Variants in PTPRG observed in about 807,000 individuals in gnomAD.
PTPRG encodes protein tyrosine phosphatase receptor type G, also known as receptor-type tyrosine-protein phosphatase gamma.
Under a neutral mutation model 165.3 loss-of-function variants are expected in PTPRG, and 102 were observed. The ratio of observed to expected loss-of-function variants is 0.62; its 90% CI spans 0.53 to 0.73. The LOEUF (loss-of-function observed/expected upper bound fraction) is 0.73. Ranked by LOEUF, PTPRG falls within the 30% of genes least tolerant of loss-of-function variation. The pLI is 0.00. For missense variants in PTPRG, 1,866 were observed against 1,861.4 expected (o/e 1.00, Z -0.05); for synonymous variants, 675 against 669.5 (o/e 1.01, Z -0.13).
At chr3:61,953,352 A>T (rs2039943513) in intron 2 of PTPRG, among the ~76,000 whole-genome samples, 1 of 152,192 alleles carries the variant, frequency 6.6e-6, no homozygotes, top group Non-Finnish European at 1.5e-5. Context: ...ACAGGCACGC[A>T]GGCAAAAGGA....
chr3:61,660,155 G>A (rs541731247), intron 1 of PTPRG, among the ~76,000 whole-genome samples: 6 of 152,310 alleles, frequency 3.9e-5, no homozygotes, highest in South Asian at 4.1e-4. Context: ...AACCTGGGAG[G>A]TAGAGGTTGT....
At chr3:61,959,477 G>C (rs1489583202) in intron 2 of PTPRG, among the ~76,000 whole-genome samples, 1 of 152,186 alleles carries the variant, frequency 6.6e-6, no homozygotes, top group Non-Finnish European at 1.5e-5. Context: ...GTTCACAATA[G>C]GGTTCGCTCT....
At chr3:61,583,482 C>T (rs538481991) in intron 1 of PTPRG, among the ~76,000 whole-genome samples, 5 of 152,234 alleles carry the variant, frequency 3.3e-5, no homozygotes, top group Middle Eastern at 3.4e-3. Context: ...AGCACTGGTC[C>T]CTAGCAAACA....
chr3:62,012,071 T>G (rs965883671), intron 4 of PTPRG, among the ~76,000 whole-genome samples: 1 of 152,214 alleles, frequency 6.6e-6, no homozygotes, highest in Non-Finnish European at 1.5e-5. Flanking sequence ...AAGTCACTGA[T>G]ACTGGTGTTG....
chr3:62,017,271 C>A (rs1000859126), intron 4 of PTPRG, among the ~76,000 whole-genome samples: 1 of 152,022 alleles, frequency 6.6e-6, no homozygotes, highest in South Asian at 2.1e-4. Flanking sequence ...ATAAAAAGAA[C>A]GTTTAAGAAA....
chr3:61,819,733 C>A (rs1187212518), intron 2 of PTPRG, among the ~76,000 whole-genome samples: 1 of 152,106 alleles, frequency 6.6e-6, no homozygotes, highest in Non-Finnish European at 1.5e-5. Context: ...AAATCCATAA[C>A]ATGGGAATCT....
chr3:62,220,155 C>T lies in PTPRG; in HGVS notation c.2288+1172C>T, dbSNP rs73840285. On this transcript the variant is annotated intron_variant, in intron 13 of 29. Coordinates refer to ENST00000474889, the MANE Select transcript of PTPRG (RefSeq NM_002841.4). Reference sequence around the variant, plus strand: ...CAGCCAGAGGTCAGTGGGGCTGAGACGTGAAGACAGGGGTAAGGTGGCAGA... The same window carrying T: ...CAGCCAGAGGTCAGTGGGGCTGAGATGTGAAGACAGGGGTAAGGTGGCAGA... 3.4e-3 allele frequency among the ~76,000 whole-genome samples: 513 copies of T among 152,278 alleles called. 3 individuals carry two copies. The highest frequency in any genetic ancestry group is 0.012 in the African/African-American group (480 of 41,558).
intron 1 of PTPRG, among the ~76,000 whole-genome samples, chr3:61,719,444 C>T (rs2031955754): frequency 6.6e-6 from 1 of 152,144 alleles, no homozygotes; most frequent in African/African-American, 2.4e-5. Flanking sequence ...TGCCCCTCCT[C>T]TCTGTCCTTT....
chr3:61,588,458 A>G (rs571715428), intron 1 of PTPRG, among the ~76,000 whole-genome samples: 1 of 146,694 alleles, frequency 6.8e-6, no homozygotes, highest in East Asian at 2.0e-4. Flanking sequence ...TGCAACCTCC[A>G]CCTCTTGAGT....
intron 4 of PTPRG, among the ~76,000 whole-genome samples, chr3:62,023,763 T>C (rs2041750204): frequency 6.6e-6 from 1 of 152,114 alleles, no homozygotes; most frequent in African/African-American, 2.4e-5. Context: ...ACCTACCTAC[T>C]GTTTTGAGGT....
At chr3:61,675,609 C>T (rs1196887175) in intron 1 of PTPRG, among the ~76,000 whole-genome samples, 1 of 152,020 alleles carries the variant, frequency 6.6e-6, no homozygotes, top group Non-Finnish European at 1.5e-5. Flanking sequence ...GCTTCCTAGG[C>T]AGTTGTATGT....
At chr3:61,987,988 A>G (rs1466495629) in intron 2 of PTPRG, among the ~76,000 whole-genome samples, 2 of 152,214 alleles carry the variant, frequency 1.3e-5, no homozygotes, top group Non-Finnish European at 1.5e-5. Flanking sequence ...AAGAGGTAAA[A>G]AAATACATGA....
chr3:61,673,224 G>A (rs1270612949), intron 1 of PTPRG, among the ~76,000 whole-genome samples: 1 of 152,182 alleles, frequency 6.6e-6, no homozygotes, highest in African/African-American at 2.4e-5. Flanking sequence ...GTCCCTGCAT[G>A]TAAAACAAAA....
chr3:62,102,264 CCTTT>C (rs1423837299), intron 5 of PTPRG, among the ~76,000 whole-genome samples: 1 of 151,876 alleles, frequency 6.6e-6, no homozygotes, highest in Non-Finnish European at 1.5e-5. Flanking sequence ...TCCTTTCTTT[CCTTT>C]CTTCCCTTTC....
intron 1 of PTPRG, among the ~76,000 whole-genome samples, chr3:61,689,726 G>C (rs1042526946): frequency 6.6e-6 from 1 of 152,074 alleles, no homozygotes; most frequent in African/African-American, 2.4e-5. Context: ...ATTTATTGGT[G>C]GTGAGTAATT....
In PTPRG at chr3:61,877,695, C is replaced by T. The variant is rs77416769; in HGVS notation, c.191-111930C>T. ...TGCAGAAGCTTATGATGCAATGAGACTGAAATAATGAAAATGATGACAGTA... is the reference window on the plus strand; with the variant it reads ...TGCAGAAGCTTATGATGCAATGAGATTGAAATAATGAAAATGATGACAGTA... On this transcript the variant is annotated intron_variant, in intron 2 of 29. Transcript: ENST00000474889. Among the ~76,000 whole-genome samples, 468 of 152,168 alleles carry T rather than the reference C, an allele frequency of 3.1e-3. 1 individual carries two copies. Among genetic ancestry groups the T allele is most frequent in the African/African-American group, 0.011 (442 of 41,490 alleles).
At chr3:61,708,373 C>A (rs1264580375) in intron 1 of PTPRG, among the ~76,000 whole-genome samples, 1 of 151,678 alleles carries the variant, frequency 6.6e-6, no homozygotes, top group Non-Finnish European at 1.5e-5. Flanking sequence ...TTTCTCACAG[C>A]CCAACTGGGG....
chr3:62,039,837 T>TC (rs1053823986), intron 4 of PTPRG, among the ~76,000 whole-genome samples: 35 of 92,378 alleles, frequency 3.8e-4, no homozygotes, highest in South Asian at 1.3e-3. Flanking sequence ...ACTTGCCTTT[T>TC]TTCCCCCAGC....
intron 4 of PTPRG, among the ~76,000 whole-genome samples, chr3:62,063,599 G>T: frequency 6.6e-6 from 1 of 152,180 alleles, no homozygotes; most frequent in Non-Finnish European, 1.5e-5. Context: ...ACACTTTTTA[G>T]TAGAGCAGCT....
Sources: allele counts gnomAD v4.1 joint callset (sites outside exome capture counted in the v4.1 genomes callset), GRCh38; gene constraint gnomAD v4.1.1; transcripts MANE v1.5; gene names NCBI Gene and HGNC (gene_info 2026-07-23, HGNC 2026-07-21).